Variants in CEP128 observed in about 807,000 individuals in gnomAD.
CEP128 encodes centrosomal protein 128kDa.
CEP128 carries 132 observed loss-of-function variants against 156.7 expected under a neutral mutation model. The ratio of observed to expected loss-of-function variants is 0.84; its 90% CI spans 0.73 to 0.97. The LOEUF (loss-of-function observed/expected upper bound fraction) is 0.97. Ranked by LOEUF, CEP128 falls within the 50% of genes least tolerant of loss-of-function variation. CEP128 has a pLI of 0.00. For synonymous variants in CEP128, 469 were observed against 448.9 expected (o/e 1.04, Z -0.57); for missense variants, 1,252 against 1,281.9 (o/e 0.98, Z 0.36).
In CEP128 at chr14:80,683,188, G is replaced by A. The variant is rs149519760; in HGVS notation, c.2806+59887C>T. 6.1e-3 allele frequency among the ~76,000 whole-genome samples: 934 copies of A among 152,224 alleles called. 9 individuals are homozygous for A. Among genetic ancestry groups the A allele is most frequent in the African/African-American group, 0.021 (886 of 41,534 alleles). ...CTTTAAAGGCACAGGGTGGCAAGCT[G>A]GACAGGACCATCCATCTGCTCTTTT... On this transcript the variant is annotated intron_variant, in intron 19 of 24. Coordinates refer to ENST00000555265, the MANE Select transcript of CEP128 (RefSeq NM_152446.5).
intron 19 of CEP128, among the ~76,000 whole-genome samples, chr14:80,665,726 GA>G (rs1052280587): frequency 6.7e-6 from 1 of 149,962 alleles, no homozygotes; most frequent in Non-Finnish European, 1.5e-5. Context: ...ATCCTTTTCT[GA>G]AAAAAAAATT....
intron 21 of CEP128, among the ~76,000 whole-genome samples, chr14:80,558,265 A>G (rs1594999734): frequency 6.6e-6 from 1 of 151,960 alleles, no homozygotes; most frequent in African/African-American, 2.4e-5. Context: ...CTATAAAACC[A>G]TAATTTTATT....
intron 2 of CEP128, among the ~76,000 whole-genome samples, chr14:80,935,082 G>C (rs1178394086): frequency 6.6e-6 from 1 of 152,132 alleles, no homozygotes; most frequent in Non-Finnish European, 1.5e-5. Context: ...GGCAGAGCCA[G>C]GATTCAAATC....
At position 80,530,873 on chromosome 14, in the gene CEP128, G is replaced by A. The variant is rs372169462; in HGVS notation, c.2894C>T (p.Ala965Val). Reference protein sequence around the residue: ...VIALETSTQVALDHLESVPEK... With the variant: ...VIALETSTQVVLDHLESVPEK... ...AGGCACAGACTCCAGATGGTCCAAG[G>A]CCACTTGGGTACTCTGAAATAGAAA... The change falls in exon 22 of 25, where the codon GCC (alanine) becomes GTC (valine). Residue 965 changes from alanine to valine, a missense_variant. Physicochemically the swap from Ala to Val is moderately conservative, Grantham distance 64. Coordinates refer to ENST00000555265, the MANE Select transcript of CEP128 (RefSeq NM_152446.5). The A allele has an allele frequency of 1.4e-5, 23 of 1,603,602 alleles. No individual in the cohort carries two copies. The highest frequency in any genetic ancestry group is 1.9e-5 in the Non-Finnish European group (22 of 1,173,790).
chr14:80,509,105 T>A (rs1888124920), intron 23 of CEP128, among the ~76,000 whole-genome samples: 1 of 152,134 alleles, frequency 6.6e-6, no homozygotes, highest in Admixed American at 6.5e-5. Flanking sequence ...AAGAACAGCA[T>A]GGGGAAAACA....
rs571283175 is a variant in CEP128 at position 80,653,230 on chromosome 14, T to C, written c.2807-72807A>G. On this transcript the variant is annotated intron_variant, in intron 19 of 24. Transcript: ENST00000555265. Reference sequence around the variant, plus strand: ...GGATAGCATTAGGAGAAATACCTAATGTAGATGACGGGTTGATGGGTGCAG... The same window carrying C: ...GGATAGCATTAGGAGAAATACCTAACGTAGATGACGGGTTGATGGGTGCAG... Among the ~76,000 whole-genome samples, 6 of 152,174 alleles carry C rather than the reference T, an allele frequency of 3.9e-5. No homozygotes were observed. In the South Asian group the frequency reaches 6.2e-4, roughly 16 times the overall value.
chr14:80,704,121 A>T (rs568507167), intron 19 of CEP128, among the ~76,000 whole-genome samples: 11 of 152,212 alleles, frequency 7.2e-5, no homozygotes, highest in African/African-American at 2.6e-4. Flanking sequence ...TAACATCATT[A>T]TCTGTTCCTT....
chr14:80,687,751 A>C (rs115590010), intron 19 of CEP128, among the ~76,000 whole-genome samples: 1 of 152,172 alleles, frequency 6.6e-6, no homozygotes. Context: ...AGAAAAAATA[A>C]CCAGTCAGAA....
In CEP128 at chr14:80,715,700, G is replaced by C. The variant is rs535198490; in HGVS notation, c.2806+27375C>G. ...GAGGGAAAAGGAGTAAAAGTCATTA[G>C]AGATCTTCAAGCAAAAGTGTGCCTT... On this transcript the variant is annotated intron_variant, in intron 19 of 24. Transcript: ENST00000555265. Among the ~76,000 whole-genome samples, 296 of 152,292 alleles carry C rather than the reference G, an allele frequency of 1.9e-3. 1 individual carries two copies. The highest frequency in any genetic ancestry group is 6.8e-3 in the African/African-American group (282 of 41,564).
chr14:80,483,237 C>T (rs899845076), intron 14 of CEP128, among the ~76,000 whole-genome samples: 1 of 152,280 alleles, frequency 6.6e-6, no homozygotes, highest in African/African-American at 2.4e-5. Flanking sequence ...AGTGGATAGT[C>T]CTGGGGAAGC....
intron 20 of CEP128, among the ~76,000 whole-genome samples, chr14:80,560,480 TA>T (rs1173386548): frequency 1.3e-5 from 2 of 152,132 alleles, no homozygotes; most frequent in Admixed American, 6.5e-5. Context: ...TCTGGATTTT[TA>T]AAAATAAAAT....
At chr14:80,945,921 G>T (rs1293701230), upstream of CEP128, among the ~76,000 whole-genome samples, 2 of 152,150 alleles carry the variant, frequency 1.3e-5, no homozygotes, top group Non-Finnish European at 2.9e-5. Context: ...TCCTGTACTT[G>T]TTTTCCACAA....
At chr14:80,935,239 G>A (rs1205436351) in intron 2 of CEP128, among the ~76,000 whole-genome samples, 2 of 152,106 alleles carry the variant, frequency 1.3e-5, no homozygotes, top group Non-Finnish European at 2.9e-5. Context: ...TTCCCTAAAA[G>A]CAAAATAAGC....
At chr14:80,793,205 T>G in intron 13 of CEP128, 95 bp from the exon 14 acceptor site, 1 of 903,294 alleles carries the variant, frequency 1.1e-6, no homozygotes. Context: ...GTCACTGAAG[T>G]GGAAATCATC....
chr14:80,540,206 C>CCCA (rs1555372615), intron 21 of CEP128, among the ~76,000 whole-genome samples: 1 of 146,812 alleles, frequency 6.8e-6, no homozygotes, highest in Non-Finnish European at 1.5e-5. Context: ...CACCCCCCCC[C>CCCA]CTTTTGAAAC....
intron 19 of CEP128, among the ~76,000 whole-genome samples, chr14:80,597,047 T>C (rs534809920): frequency 6.9e-6 from 1 of 145,104 alleles, no homozygotes; most frequent in African/African-American, 2.6e-5. Flanking sequence ...GCAGAAGTAA[T>C]AAAGATAAGA....
intron 13 of CEP128, among the ~76,000 whole-genome samples, chr14:80,797,509 C>A (rs1566632963): frequency 1.3e-5 from 2 of 152,128 alleles, no homozygotes; most frequent in South Asian, 2.1e-4. Flanking sequence ...TTGCTATCAG[C>A]CTGTGTTATG....
intron 14 of CEP128, among the ~76,000 whole-genome samples, chr14:80,786,716 G>A: frequency 6.6e-6 from 1 of 152,188 alleles, no homozygotes; most frequent in Admixed American, 6.5e-5. Context: ...AGACTGTGAT[G>A]AAGATTAGTG....
At chr14:80,784,660 C>A (rs949187813) in intron 15 of CEP128, among the ~76,000 whole-genome samples, 2 of 152,192 alleles carry the variant, frequency 1.3e-5, no homozygotes, top group African/African-American at 4.8e-5. Context: ...ACTCCCCAAA[C>A]AGCTAAACGT....
Sources: allele counts gnomAD v4.1 joint callset (sites outside exome capture counted in the v4.1 genomes callset), GRCh38; gene constraint gnomAD v4.1.1; transcripts MANE v1.5; gene names NCBI Gene and HGNC (gene_info 2026-07-23, HGNC 2026-07-21).